Variants in SLC17A9 observed in about 807,000 individuals in gnomAD.
SLC17A9 encodes the protein solute carrier family 17 member 9.
In SLC17A9, 49 loss-of-function variants were observed where a neutral mutation model predicts 55.0. The observed-to-expected ratio is 0.89, with a 90% CI of 0.71 to 1.13. The LOEUF (loss-of-function observed/expected upper bound fraction) is 1.13, where lower values mean the gene tolerates loss of function less well. SLC17A9 is among the 50% of genes most tolerant of loss of function. The pLI is 0.00. For missense variants in SLC17A9, 526 were observed against 569.3 expected, an observed-to-expected ratio of 0.92 and a Z score of 0.77; for synonymous variants, 256 against 247.4, an observed-to-expected ratio of 1.03 and a Z score of -0.32.
At chr20:62,964,729 G>T (rs915027657) in intron 8 of SLC17A9, among the ~76,000 whole-genome samples, 1 of 152,210 alleles carries the variant, frequency 6.6e-6, no homozygotes, top group Non-Finnish European at 1.5e-5. Context: ...ATGCACACGC[G>T]TGCCCACATG....
intron 9 of SLC17A9, 96 bp from the exon 10 acceptor site, chr20:62,965,514 G>C: frequency 8.7e-7 from 1 of 1,155,654 alleles, no homozygotes; most frequent in South Asian, 1.3e-5. Context: ...ACCGTTGTGC[G>C]GTGCGCCCAG....
chr20:62,967,564 G>T lies in SLC17A9; in HGVS notation c.*64G>T. On this transcript the variant is annotated 3_prime_UTR_variant, in exon 13 of 13. Transcript: ENST00000370351. ...GCAGCCCCAGGACACAGGGGACTCA[G>T]TGTGTGGGACTTGGTCACTCCATGT... 1 of 1,551,484 alleles carries T rather than the reference G, an allele frequency of 6.4e-7. No individual in the cohort carries two copies. The highest frequency in any genetic ancestry group is 1.4e-5 in the African/African-American group (1 of 73,302).
rs1427511610 is a variant in SLC17A9 at position 62,956,272 on chromosome 20, C to T, written c.60-493C>T. Among the ~76,000 whole-genome samples, 4 of 152,204 alleles carry T rather than the reference C, an allele frequency of 2.6e-5. No individual in the cohort carries two copies. The East Asian group carries it at 5.8e-4, about 22-fold the overall frequency. ...GTGCCGAGAAGGCCGTATACCTGCC[C>T]CTCTGTCCACAGCACACCGTCATCC... On this transcript the variant is annotated intron_variant, in intron 1 of 12. Transcript: ENST00000370351.
chr20:62,964,065 GGGTGGT>G, intron 7 of SLC17A9, 157 bp from the exon 8 acceptor site: 1 of 725,952 alleles, frequency 1.4e-6, no homozygotes, highest in Non-Finnish European at 2.4e-6. Flanking sequence ...CTGCCCTGCC[GGGTGGT>G]GGTCAAGAGC....
In SLC17A9 at chr20:62,962,439, C is replaced by T; in HGVS notation, c.498-185C>T. 2 of 626,990 alleles carry T rather than the reference C, an allele frequency of 3.2e-6. No individual in the cohort carries two copies. The highest frequency in any genetic ancestry group is 2.6e-6 in the Non-Finnish European group (1 of 389,790). The allele number at this position is 626,990 out of a possible 1,614,324, so 38.8% of individuals were successfully genotyped here. A position where few individuals can be genotyped will look rare whatever the true frequency, so the allele number is the denominator to read the frequency against. On this transcript the variant is annotated intron_variant, in intron 4 of 12. Coordinates refer to ENST00000370351, the MANE Select transcript of SLC17A9 (RefSeq NM_022082.4). This position sits in a 1 kb window ranked among gnomAD's most constrained non-coding sequence, Gnocchi z 5.5. ...CAGCCCTGTGTGCCCGGAGTCTCCC[C>T]TGAGTACCCGAAGTCCTTAACAAAA...
At chr20:62,954,320 G>C (rs1244639597) in intron 1 of SLC17A9, among the ~76,000 whole-genome samples, 1 of 152,224 alleles carries the variant, frequency 6.6e-6, no homozygotes, top group African/African-American at 2.4e-5. Flanking sequence ...TGGGCCAGGC[G>C]AGAACAGAGC....
At chr20:62,954,554 G>C (rs532549064) in intron 1 of SLC17A9, among the ~76,000 whole-genome samples, 1 of 152,324 alleles carries the variant, frequency 6.6e-6, no homozygotes, top group African/African-American at 2.4e-5. Flanking sequence ...AAAGCTTTCC[G>C]GTTCTTGGCA....
chr20:62,957,622 AGGTGG>A, intron 3 of SLC17A9, 42 bp downstream of exon 3: 3 of 1,472,584 alleles, frequency 2.0e-6, no homozygotes, highest in Non-Finnish European at 1.8e-6. Flanking sequence ...CTCTGGCACC[AGGTGG>A]GGAGACAAGG....
Position 62,963,307 on chromosome 20 carries a change from C to T in SLC17A9, c.663C>T (p.Ser221=), listed in dbSNP as rs769397098. The T allele has an allele frequency of 4.6e-5, 75 of 1,613,730 alleles. No homozygotes were observed. In the Middle Eastern group the frequency reaches 1.2e-3, roughly 25 times the overall value. ...LILALGVLAQ[S]RPVSRHNRVP... The stretch of plus-strand genomic sequence containing the variant: ...TGGCCTTGGGTGTCCTGGCCCAAAG[C>T]CGGCCGGTGTCCAGGCACAACAGAG... The change falls in exon 6 of 13, where the codon AGC becomes AGT. Residue 221 remains serine, a synonymous_variant. Transcript: ENST00000370351.
Position 62,952,718 on chromosome 20 carries a change from C to A in SLC17A9, c.-113C>A. The A allele has an allele frequency of 8.7e-7, 1 of 1,144,230 alleles. No homozygotes were observed. The highest frequency in any genetic ancestry group is 1.2e-6 in the Non-Finnish European group (1 of 841,108). The allele number at this position is 1,144,230 out of a possible 1,614,324, so 70.9% of individuals were successfully genotyped here. Reference sequence around the variant, plus strand: ...AAGTCCTGAGAGAACCAGACGGAAGCGCGCTGGGACTGACACGTGGACTTG... The same window carrying A: ...AAGTCCTGAGAGAACCAGACGGAAGAGCGCTGGGACTGACACGTGGACTTG... On this transcript the variant is annotated 5_prime_UTR_variant, in exon 1 of 13. Coordinates refer to ENST00000370351, the MANE Select transcript of SLC17A9 (RefSeq NM_022082.4).
rs1414630795 is a variant in SLC17A9 at position 62,962,916 on chromosome 20, C to T, written c.628+162C>T. ...GAAAAGCGCTCGGGTGCTGAGCTGTCAGCGGCTCCGCCACCCAATTCGATC... is the reference window on the plus strand; with the variant it reads ...GAAAAGCGCTCGGGTGCTGAGCTGTTAGCGGCTCCGCCACCCAATTCGATC... On this transcript the variant is annotated intron_variant, in intron 5 of 12. Transcript: ENST00000370351. The surrounding 1 kb of genome is among the most constrained non-coding windows in gnomAD (Gnocchi z 5.5). 2 of 1,042,448 alleles carry T rather than the reference C, an allele frequency of 1.9e-6. No homozygotes were observed. The highest frequency in any genetic ancestry group is 5.1e-5 in the East Asian group (2 of 39,270). The allele number at this position is 1,042,448 out of a possible 1,614,324, so 64.6% of individuals were successfully genotyped here. A position where few individuals can be genotyped will look rare whatever the true frequency, so the allele number is the denominator to read the frequency against.
At chr20:62,954,288 C>T (rs1240285333) in intron 1 of SLC17A9, among the ~76,000 whole-genome samples, 1 of 152,226 alleles carries the variant, frequency 6.6e-6, no homozygotes, top group Non-Finnish European at 1.5e-5. Flanking sequence ...AGCCCGCCCT[C>T]CTGCAGCCAC....
rs2065623596 is a variant in SLC17A9 at position 62,965,115 on chromosome 20, T to C, written c.911-17T>C. 6.2e-7 allele frequency: 1 copy of C among 1,613,920 alleles called. No individual in the cohort carries two copies. The highest frequency in any genetic ancestry group is 8.5e-7 in the Non-Finnish European group (1 of 1,179,936). On this transcript the variant is annotated splice_polypyrimidine_tract_variant and intron_variant, in intron 8 of 12. Coordinates refer to ENST00000370351, the MANE Select transcript of SLC17A9 (RefSeq NM_022082.4). ...GAAAGGGCTAACGGGAGCCCCTTCC[T>C]TGGCCTCCCCCTGTAGGTTACAGAG... is the stretch of plus-strand genomic sequence containing the variant.
chr20:62,953,480 C>T (rs1001827404), intron 1 of SLC17A9, among the ~76,000 whole-genome samples: 14 of 152,336 alleles, frequency 9.2e-5, no homozygotes, highest in Admixed American at 2.0e-4. Flanking sequence ...CCTCAGAAAC[C>T]GGGCGAGATG....
intron 5 of SLC17A9, 75 bp from the exon 6 acceptor site, chr20:62,963,198 A>G (rs1568915835): frequency 1.3e-6 from 2 of 1,504,854 alleles, no homozygotes; most frequent in Non-Finnish European, 1.8e-6. Flanking sequence ...AACCACCCCC[A>G]AATCCCCAAT....
Position 62,957,597 on chromosome 20 carries a change from C to T in SLC17A9, c.397+17C>T, listed in dbSNP as rs200227620. 7.0e-5 allele frequency: 107 copies of T among 1,520,870 alleles called. No homozygotes were observed. The African/African-American group carries it at 1.3e-3, about 19-fold the overall frequency. 94.2% of individuals were successfully genotyped at this position (1,520,870 alleles called of 1,614,324 possible). ...TGCTCCAAGGTAAGGGGAGCTCAGG[C>T]GGCTCCCTCACGCTCTCTGGCACCA... On this transcript the variant is annotated intron_variant, in intron 3 of 12. Coordinates refer to ENST00000370351, the MANE Select transcript of SLC17A9 (RefSeq NM_022082.4).
At chr20:62,964,443 T>TG in intron 8 of SLC17A9, 128 bp downstream of exon 8, 1 of 950,730 alleles carries the variant, frequency 1.1e-6, no homozygotes, top group Non-Finnish European at 1.7e-6. Flanking sequence ...GGGGCACTTC[T>TG]TTCCAGGCTC....
intron 7 of SLC17A9, 130 bp from the exon 8 acceptor site, chr20:62,964,098 C>A: frequency 2.3e-6 from 2 of 881,372 alleles, no homozygotes; most frequent in Non-Finnish European, 3.7e-6. Context: ...TTCCCAGGAG[C>A]AGGGCTGGCC....
Position 62,965,686 on chromosome 20 carries a change from T to TTGCATCAGCC in SLC17A9, c.1024_1033dup (p.Ser345CysfsTer18), listed in dbSNP as rs2065631097. 5.6e-6 allele frequency: 9 copies of TTGCATCAGCC among 1,613,846 alleles called. No homozygotes were observed. Among genetic ancestry groups the TTGCATCAGCC allele is most frequent in the Non-Finnish European group, 7.6e-6 (9 of 1,180,020 alleles). ...TCCAGCTTCTGTGAGTCTGTGGTCT[T>TTGCATCAGCC]TGCATCAGCCTCCATCGGCCTCCAG... is the stretch of plus-strand genomic sequence containing the variant. On this transcript the variant is annotated frameshift_variant, in exon 10 of 13. Coordinates refer to ENST00000370351, the MANE Select transcript of SLC17A9 (RefSeq NM_022082.4). LOFTEE classifies it high-confidence loss of function.
Sources: allele counts gnomAD v4.1 joint callset (sites outside exome capture counted in the v4.1 genomes callset), GRCh38; gene constraint gnomAD v4.1.1; non-coding constraint Gnocchi (gnomAD v3.1); transcripts MANE v1.5; gene names NCBI Gene and HGNC (gene_info 2026-07-23, HGNC 2026-07-21).